CD83: variants seen among roughly 807,000 people sequenced by gnomAD.
CD83 encodes the protein CD83 molecule, also known as CD83 antigen.
Under a neutral mutation model 24.6 loss-of-function variants are expected in CD83, and 22 were observed. That is an observed-to-expected ratio of 0.90 (90% CI 0.64 to 1.28). CD83 has a LOEUF of 1.28. Among genes scored for constraint, CD83 ranks in the 50% most tolerant of loss-of-function variants. The pLI is 0.00. For synonymous variants in CD83, 101 were observed against 103.5 expected, an observed-to-expected ratio of 0.98 and a Z score of 0.14; for missense variants, 253 against 252.8, an observed-to-expected ratio of 1.00 and a Z score of -0.01.
Position 14,136,516 on chromosome 6 carries a change from A to T in CD83, c.*1280A>T, listed in dbSNP as rs1286120648. 4 of 152,246 alleles carry T rather than the reference A, an allele frequency of 2.6e-5. No individual in the cohort carries two copies. Among genetic ancestry groups the T allele is most frequent in the South Asian group, 2.1e-4 (1 of 4,830 alleles). The allele number at this position is 152,246 out of a possible 1,614,324, so 9.4% of individuals were successfully genotyped here. ...TTTTAGCCATTGTTGGCTTTCCCTT[A>T]TCAAACTTGGGCCCTTCCCTTCTTG... On this transcript the variant is annotated 3_prime_UTR_variant, in exon 5 of 5. Coordinates refer to ENST00000379153, the MANE Select transcript of CD83 (RefSeq NM_004233.4).
At position 14,125,576 on chromosome 6, in the gene CD83, T is replaced by C. The variant is rs187626061; in HGVS notation, c.154-5944T>C. On this transcript the variant is annotated intron_variant, in intron 2 of 4. Coordinates refer to ENST00000379153, the MANE Select transcript of CD83 (RefSeq NM_004233.4). ...CTATCAGAGCCAGTCTCCATGATCG[T>C]GGGGTACCAGGCCTGAGTTAAGTTG... Among the ~76,000 whole-genome samples, 276 of 152,324 alleles carry C rather than the reference T, an allele frequency of 1.8e-3. 1 individual carries two copies. The highest frequency in any genetic ancestry group is 0.013 in the East Asian group (67 of 5,186).
rs992879780 is a variant in CD83 at position 14,136,306 on chromosome 6, T to G, written c.*1070T>G. Reference sequence around the variant, plus strand: ...GAGGGTGCTATCCATTTCTCATGTTTTCCATTGTTTGAAACAAAGAAGGTT... The same window carrying G: ...GAGGGTGCTATCCATTTCTCATGTTGTCCATTGTTTGAAACAAAGAAGGTT... On this transcript the variant is annotated 3_prime_UTR_variant, in exon 5 of 5. Coordinates refer to ENST00000379153, the MANE Select transcript of CD83 (RefSeq NM_004233.4). 16 of 152,382 alleles carry G rather than the reference T, an allele frequency of 1.0e-4. No homozygotes were observed. Among genetic ancestry groups the G allele is most frequent in the African/African-American group, 3.8e-4 (16 of 41,584 alleles). The allele number at this position is 152,382 out of a possible 1,614,324, so 9.4% of individuals were successfully genotyped here.
chr6:14,131,508 CCTT>C lies in CD83; in HGVS notation c.154-7_154-5del, dbSNP rs1464231104. 1 of 1,600,958 alleles carries C rather than the reference CCTT, an allele frequency of 6.2e-7. No homozygotes were observed. Among genetic ancestry groups the C allele is most frequent in the African/African-American group, 1.3e-5 (1 of 74,604 alleles). ...CAGTGGACCGTGATGCGCTCTGATT[CCTT>C]CTTCACAGTTATTGGAGGGTGGTGA... On this transcript the variant is annotated splice_polypyrimidine_tract_variant and intron_variant, in intron 2 of 4. Coordinates refer to ENST00000379153, the MANE Select transcript of CD83 (RefSeq NM_004233.4).
At chr6:14,125,743 G>C (rs114910132) in intron 2 of CD83, among the ~76,000 whole-genome samples, 71 of 152,298 alleles carry the variant, frequency 4.7e-4, no homozygotes, top group African/African-American at 1.5e-3. Flanking sequence ...GTCCAACATT[G>C]CCTTCAAATC....
intron 2 of CD83, among the ~76,000 whole-genome samples, chr6:14,127,639 G>A (rs576237997): frequency 5.3e-5 from 8 of 151,752 alleles, no homozygotes; most frequent in Non-Finnish European, 8.8e-5. Context: ...AAGAGAGTTT[G>A]TTTTAATTTA....
rs376379681 is a variant in CD83 at position 14,134,025 on chromosome 6, T to G, written c.489+270T>G. Reference sequence around the variant, plus strand: ...AGGACGTTTGGGAAATGACAAGGGGTTCTATGCAAGAGCAGAGGCCCTGTA... The same window carrying G: ...AGGACGTTTGGGAAATGACAAGGGGGTCTATGCAAGAGCAGAGGCCCTGTA... On this transcript the variant is annotated intron_variant, in intron 4 of 4. Transcript: ENST00000379153. 1.6e-4 allele frequency among the ~76,000 whole-genome samples: 24 copies of G among 150,412 alleles called. No homozygotes were observed. In the East Asian group the frequency reaches 2.3e-3, roughly 15 times the overall value.
upstream of CD83, chr6:14,117,725 A>G: frequency 1.1e-6 from 1 of 949,404 alleles, no homozygotes; most frequent in Non-Finnish European, 1.4e-6. This position sits in a 1 kb window ranked among gnomAD's most constrained non-coding sequence, Gnocchi z 4.6. Context: ...CGCGCAGGGA[A>G]GTTCCCGAAC....
chr6:14,122,015 G>A (rs1759682328), intron 2 of CD83, among the ~76,000 whole-genome samples: 1 of 152,174 alleles, frequency 6.6e-6, no homozygotes, highest in South Asian at 2.1e-4. Flanking sequence ...AACGAAAGAG[G>A]ATATATGGTG....
rs185156403 is a variant in CD83 at position 14,121,135 on chromosome 6, A to G, written c.153+3070A>G. Among the ~76,000 whole-genome samples, 44 of 152,244 alleles carry G rather than the reference A, an allele frequency of 2.9e-4. 1 individual carries two copies. Among genetic ancestry groups the G allele is most frequent in the South Asian group, 1.2e-3 (6 of 4,818 alleles). On this transcript the variant is annotated intron_variant, in intron 2 of 4. Transcript: ENST00000379153. ...TGATTGAGAAGAAATAGAAAAGTTA[A>G]TACATTATATTCATTAGGATAGTAG...
chr6:14,118,132 C>A, intron 2 of CD83, 67 bp downstream of exon 2: 1 of 1,199,646 alleles, frequency 8.3e-7, no homozygotes, highest in Non-Finnish European at 1.2e-6. Context: ...GAACCATCTC[C>A]CCTAGGCTGG....
intron 2 of CD83, among the ~76,000 whole-genome samples, chr6:14,123,575 G>A (rs746496181): frequency 2.6e-5 from 4 of 151,904 alleles, no homozygotes; most frequent in Non-Finnish European, 5.9e-5. Flanking sequence ...GTAGTTCTGC[G>A]GAGGAGTGGG....
chr6:14,118,229 C>T (rs1200353300), intron 2 of CD83, among the ~76,000 whole-genome samples, 164 bp downstream of exon 2: 1 of 152,306 alleles, frequency 6.6e-6, no homozygotes, highest in South Asian at 2.1e-4. Context: ...GCCTCCCCCA[C>T]CCCATCCGCA....
chr6:14,125,904 G>A (rs1029627598), intron 2 of CD83, among the ~76,000 whole-genome samples: 1 of 152,244 alleles, frequency 6.6e-6, no homozygotes, highest in African/African-American at 2.4e-5. Context: ...CAGAGGAGAC[G>A]GGAAGTGTCA....
At chr6:14,122,205 C>T (rs1225082153) in intron 2 of CD83, among the ~76,000 whole-genome samples, 1 of 152,178 alleles carries the variant, frequency 6.6e-6, no homozygotes, top group Non-Finnish European at 1.5e-5. Context: ...GATCATGGGC[C>T]ATCCATGGAG....
chr6:14,125,833 C>T (rs1180023042), intron 2 of CD83, among the ~76,000 whole-genome samples: 1 of 152,120 alleles, frequency 6.6e-6, no homozygotes, highest in East Asian at 1.9e-4. Flanking sequence ...TTGAAGACAT[C>T]ATATGTGGAA....
chr6:14,134,696 C>A (rs774287525), intron 4 of CD83, among the ~76,000 whole-genome samples: 1 of 152,230 alleles, frequency 6.6e-6, no homozygotes, highest in Non-Finnish European at 1.5e-5. Flanking sequence ...AGGCACTGTA[C>A]AGGGCATAAA....
chr6:14,131,066 T>G (rs1253971593), intron 2 of CD83, among the ~76,000 whole-genome samples: 1 of 152,184 alleles, frequency 6.6e-6, no homozygotes, highest in East Asian at 1.9e-4. Context: ...CTGGCAAGGA[T>G]CATAACAGAT....
intron 2 of CD83, among the ~76,000 whole-genome samples, chr6:14,119,891 C>T (rs1003080044): frequency 6.6e-6 from 1 of 152,254 alleles, no homozygotes; most frequent in African/African-American, 2.4e-5. Flanking sequence ...GTGAAAGCTT[C>T]TTGCACAGGG....
chr6:14,122,745 C>T (rs565362287), intron 2 of CD83, among the ~76,000 whole-genome samples: 8 of 152,298 alleles, frequency 5.3e-5, no homozygotes, highest in African/African-American at 1.9e-4. Flanking sequence ...TGTAAAGTTG[C>T]TTTTCAGATG....
Sources: gnomAD v4.1 joint callset for allele counts (sites outside exome capture counted in the v4.1 genomes callset) on GRCh38, gnomAD v4.1.1 for gene constraint, Gnocchi (gnomAD v3.1) non-coding constraint, MANE v1.5 for transcripts, NCBI Gene and HGNC (gene_info 2026-07-23, HGNC 2026-07-21) for gene names.